Variants in SPRYD3 observed in about 807,000 individuals in gnomAD.
SPRYD3 encodes SPRY domain-containing protein 3.
SPRYD3 carries 17 observed loss-of-function variants against 50.1 expected under a neutral mutation model. The observed-to-expected ratio is 0.34, with a 90% CI of 0.23 to 0.51. The LOEUF (loss-of-function observed/expected upper bound fraction) is 0.51, where lower values mean the gene tolerates loss of function less well. Ranked by LOEUF, SPRYD3 falls within the 20% of genes least tolerant of loss-of-function variation. The pLI, the probability that SPRYD3 is intolerant of heterozygous loss-of-function variation, is 0.97. For synonymous variants in SPRYD3, 198 were observed against 215.5 expected (o/e 0.92, Z 0.71); for missense variants, 401 against 591.2 (o/e 0.68, Z 3.34).
At chr12:53,076,814 T>C (rs916496343) in intron 2 of SPRYD3, among the ~76,000 whole-genome samples, 3 of 152,098 alleles carry the variant, frequency 2.0e-5, no homozygotes, top group African/African-American at 7.2e-5. Context: ...CCGTATGTGG[T>C]GGTGCACGCC....
rs947355881 is a variant in SPRYD3 at position 53,069,721 on chromosome 12, C to G, written c.694-1417G>C. Among the ~76,000 whole-genome samples, 18 of 152,210 alleles carry G rather than the reference C, an allele frequency of 1.2e-4. 1 individual carries two copies. The highest frequency in any genetic ancestry group is 4.4e-5 in the Non-Finnish European group (3 of 68,026). ...TTGACTTCTGTTCATGGTGTATTCT[C>G]TGCTCAGCCTGGGTTCCTCCTCTGC... On this transcript the variant is annotated intron_variant, in intron 6 of 10. Coordinates refer to ENST00000301463, the MANE Select transcript of SPRYD3 (RefSeq NM_032840.3).
At chr12:53,072,362 G>A (rs184924925) in intron 6 of SPRYD3, among the ~76,000 whole-genome samples, 6 of 152,244 alleles carry the variant, frequency 3.9e-5, no homozygotes, top group Admixed American at 1.3e-4. Context: ...CTCCTAATCC[G>A]CTCCCACCCC....
chr12:53,075,692 C>A (rs751003123), intron 3 of SPRYD3, 44 bp downstream of exon 3: 1 of 1,490,402 alleles, frequency 6.7e-7, no homozygotes, highest in East Asian at 2.3e-5. Flanking sequence ...ATGATCTCAC[C>A]CCCAAGCTCA....
chr12:53,075,068 G>A (rs765883526), intron 4 of SPRYD3, 27 bp downstream of exon 4: 19 of 1,606,330 alleles, frequency 1.2e-5, no homozygotes, highest in Non-Finnish European at 1.6e-5. Flanking sequence ...ATAGGAAAAG[G>A]GCCGGGTTGC....
chr12:53,075,190 G>A lies in SPRYD3; in HGVS notation c.276C>T (p.Gly92=). The change falls in exon 4 of 11, where the codon GGC becomes GGT. Residue 92 remains glycine (G), a synonymous_variant. Transcript: ENST00000301463. ...EVSIVDSGVR[G]TIAVGLVPQY... ...GAGGGACCAGCCCCACAGCAATGGTGCCCCGGACTCCACTGTCCACAATAG... is the reference window on the plus strand; with the variant it reads ...GAGGGACCAGCCCCACAGCAATGGTACCCCGGACTCCACTGTCCACAATAG... The A allele has an allele frequency of 6.2e-7, 1 of 1,613,300 alleles. No individual in the cohort carries two copies. The highest frequency in any genetic ancestry group is 8.5e-7 in the Non-Finnish European group (1 of 1,179,304).
intron 2 of SPRYD3, 22 bp downstream of exon 2, chr12:53,077,093 G>A: frequency 1.2e-6 from 2 of 1,610,198 alleles, no homozygotes; most frequent in Non-Finnish European, 1.7e-6. Flanking sequence ...AAGAAAATGT[G>A]GAAGCATTCT....
In SPRYD3 at chr12:53,066,688, A is replaced by G; in HGVS notation, c.906T>C (p.Asp302=). 1 of 1,608,692 alleles carries G rather than the reference A, an allele frequency of 6.2e-7. No homozygotes were observed. Among genetic ancestry groups the G allele is most frequent in the Non-Finnish European group, 8.5e-7 (1 of 1,176,594 alleles). The change falls in exon 9 of 11, where the codon GAT becomes GAC. Residue 302 remains aspartate, a synonymous_variant. Transcript: ENST00000301463. ...CACCACTGCCATGGAAGATCTTCCC[A>G]TCGTCTGTTGGAGGGAGGGGAAAGG... ...SRGSVAYHAD[D]GKIFHGSGVG...
chr12:53,078,013 C>G (rs756006767), intron 1 of SPRYD3: 3 of 414,366 alleles, frequency 7.2e-6, no homozygotes, highest in South Asian at 5.2e-5. Flanking sequence ...AGTGAGACCT[C>G]ATCTCTACTA....
chr12:53,073,214 A>C, intron 6 of SPRYD3, 72 bp downstream of exon 6: 1 of 1,000,146 alleles, frequency 1.0e-6, no homozygotes, highest in Non-Finnish European at 1.5e-6. Context: ...TTCAGACATG[A>C]CCATGTGCCC....
Position 53,065,710 on chromosome 12 carries a change from G to A in SPRYD3, c.*122C>T. The A allele has an allele frequency of 9.8e-7, 1 of 1,023,114 alleles. No homozygotes were observed. The highest frequency in any genetic ancestry group is 2.4e-5 in the East Asian group (1 of 41,610). 63.4% of individuals were successfully genotyped at this position (1,023,114 alleles called of 1,614,324 possible). A position where few individuals can be genotyped will look rare whatever the true frequency, so the allele number is the denominator to read the frequency against. ...GTGACAGGGGCCTGAGCCAGTGGGG[G>A]CAGAGTGACTACACACCTCCAGGGG... On this transcript the variant is annotated 3_prime_UTR_variant, in exon 11 of 11. Coordinates refer to ENST00000301463, the MANE Select transcript of SPRYD3 (RefSeq NM_032840.3).
intron 7 of SPRYD3, among the ~76,000 whole-genome samples, 153 bp from the exon 8 acceptor site, chr12:53,067,858 A>T (rs1477502812): frequency 6.6e-6 from 1 of 152,122 alleles, no homozygotes; most frequent in East Asian, 1.9e-4. Flanking sequence ...GCTTCAGGGG[A>T]ACCAGGGAGG....
intron 6 of SPRYD3, chr12:53,073,029 A>G (rs1179279578): frequency 2.5e-6 from 1 of 393,384 alleles, no homozygotes; most frequent in African/African-American, 2.0e-5. Flanking sequence ...GCAAAGCAGA[A>G]CTACTTGTTC....
chr12:53,070,531 TCCTATTACTTAACAG>T, intron 6 of SPRYD3, among the ~76,000 whole-genome samples: 1 of 152,292 alleles, frequency 6.6e-6, no homozygotes, highest in Admixed American at 6.5e-5. Flanking sequence ...AAATCCTAAC[TCCTATTACTTAACAG>T]CCGCTAACCT....
intron 6 of SPRYD3, among the ~76,000 whole-genome samples, chr12:53,068,768 G>A (rs777737478): frequency 2.0e-5 from 3 of 152,196 alleles, no homozygotes; most frequent in Admixed American, 6.5e-5. Context: ...GAAGTTAGGT[G>A]CCAACCCCAG....
intron 2 of SPRYD3, among the ~76,000 whole-genome samples, 185 bp from the exon 3 acceptor site, chr12:53,075,996 A>C (rs972005209): frequency 6.6e-6 from 1 of 152,206 alleles, no homozygotes; most frequent in Non-Finnish European, 1.5e-5. Context: ...CTCCTCTCGC[A>C]GCCTCCAGCT....
At chr12:53,070,396 C>A (rs1280415536) in intron 6 of SPRYD3, among the ~76,000 whole-genome samples, 1 of 152,178 alleles carries the variant, frequency 6.6e-6, no homozygotes, top group African/African-American at 2.4e-5. Flanking sequence ...CATTCCTCTG[C>A]CTCCTTGGTC....
intron 3 of SPRYD3, 41 bp downstream of exon 3, chr12:53,075,695 C>G (rs768950449): frequency 3.3e-6 from 5 of 1,512,960 alleles, no homozygotes; most frequent in Non-Finnish European, 4.6e-6. Flanking sequence ...ATCTCACCCC[C>G]AAGCTCACCC....
intron 1 of SPRYD3, among the ~76,000 whole-genome samples, chr12:53,078,830 A>G (rs1944609899): frequency 6.6e-6 from 1 of 152,166 alleles, no homozygotes; most frequent in Non-Finnish European, 1.5e-5. Flanking sequence ...TGCACACGGT[A>G]GGTGCTTAGT....
rs761730275 is a variant in SPRYD3 at position 53,066,402 on chromosome 12, T to C, written c.1106A>G (p.His369Arg). The C allele has an allele frequency of 6.2e-7, 1 of 1,614,188 alleles. No individual in the cohort carries two copies. Among genetic ancestry groups the C allele is most frequent in the Admixed American group, 1.7e-5 (1 of 60,034 alleles). The change falls in exon 10 of 11, where the codon CAC (histidine) becomes CGC (arginine). Residue 369 changes from histidine (H) to arginine (R), a missense_variant. His to Arg is a conservative substitution (Grantham distance 29). Transcript: ENST00000301463. ...CTCCTCTTCCTCTTCCCCTTCCTGGTGCAGGTACATGACATTCCGCACGTT... is the reference window on the plus strand; with the variant it reads ...CTCCTCTTCCTCTTCCCCTTCCTGGCGCAGGTACATGACATTCCGCACGTT... ...VRNVRNVMYL[H>R]QEGEEEEEEE...
Sources: allele counts gnomAD v4.1 joint callset (sites outside exome capture counted in the v4.1 genomes callset), GRCh38; gene constraint gnomAD v4.1.1; transcripts MANE v1.5; gene names NCBI Gene and HGNC (gene_info 2026-07-23, HGNC 2026-07-21).